The following NOL6 variants were observed in gnomAD, a reference collection of about 807,000 sequenced individuals.
NOL6 encodes the protein nucleolar protein 6, also known as nucleolar RNA-associated protein.
In NOL6, 33 loss-of-function variants were observed where a neutral mutation model predicts 131.7. The observed-to-expected ratio is 0.25, with a 90% confidence interval of 0.19 to 0.33. The LOEUF (loss-of-function observed/expected upper bound fraction) is 0.33, where lower values mean the gene tolerates loss of function less well. Among genes scored for constraint, NOL6 ranks in the 10% least tolerant of loss-of-function variants. NOL6 has a pLI of 1.00. For synonymous variants in NOL6, 580 were observed against 605.7 expected, an observed-to-expected ratio of 0.96 and a Z score of 0.62; for missense variants, 1,297 against 1,494.5, an observed-to-expected ratio of 0.87 and a Z score of 2.18.
Position 33,471,935 on chromosome 9 carries a change from G to T in NOL6, c.378+69C>A, listed in dbSNP as rs553659551. 2.4e-5 allele frequency: 26 copies of T among 1,068,306 alleles called. 2 individuals carry two copies. The highest frequency in any genetic ancestry group is 2.3e-4 in the African/African-American group (15 of 64,622). The allele number at this position is 1,068,306 out of a possible 1,614,324, so 66.2% of individuals were successfully genotyped here. On this transcript the variant is annotated intron_variant, in intron 3 of 25. Coordinates refer to ENST00000297990, the MANE Select transcript of NOL6 (RefSeq NM_022917.5). Reference sequence around the variant, plus strand: ...AACCCTTAAACAGAGTAACAGCAAGGCCCCTGTTTGATATACCCCCACTGG... The same window carrying T: ...AACCCTTAAACAGAGTAACAGCAAGTCCCCTGTTTGATATACCCCCACTGG...
In NOL6 at chr9:33,470,247, C is replaced by G. The variant is rs1305639256; in HGVS notation, c.379-56G>C. ...ATTCAACTGCCTTCCTCACATGTAC[C>G]CTTTATGTCTAGAAGACATTTTAAC... is the stretch of plus-strand genomic sequence containing the variant. On this transcript the variant is annotated intron_variant, in intron 3 of 25. Coordinates refer to ENST00000297990, the MANE Select transcript of NOL6 (RefSeq NM_022917.5). 2.2e-5 allele frequency: 31 copies of G among 1,388,126 alleles called. 2 individuals carry two copies. The South Asian group carries it at 4.1e-4, about 18-fold the overall frequency. 86.0% of individuals were successfully genotyped at this position (1,388,126 alleles called of 1,614,324 possible). A position where few individuals can be genotyped will look rare whatever the true frequency, so the allele number is the denominator to read the frequency against.
At position 33,463,919 on chromosome 9, in the gene NOL6, A is replaced by T. The variant is rs777008328; in HGVS notation, c.2906T>A (p.Ile969Asn). The T allele has an allele frequency of 1.9e-6, 3 of 1,614,108 alleles. No individual in the cohort carries two copies. The highest frequency in any genetic ancestry group is 2.5e-6 in the Non-Finnish European group (3 of 1,179,994). Reference sequence around the variant, plus strand: ...TGCCAGGACCACAAGCTGCTGCAGGATCTGCGGGGTACAGACACATCAGAC... The same window carrying T: ...TGCCAGGACCACAAGCTGCTGCAGGTTCTGCGGGGTACAGACACATCAGAC... ...VWTQDGPSAQILQQLVVLAAE... is the reference protein window; with the variant it reads ...VWTQDGPSAQNLQQLVVLAAE... The change falls in exon 23 of 26, where the codon ATC (isoleucine) becomes AAC (asparagine). Residue 969 changes from isoleucine to asparagine, a missense_variant and splice_region_variant. Transcript: ENST00000297990.
rs200750631 is a variant in NOL6, at chr9:33,465,275, G to A, written c.2613C>T (p.Phe871=). The A allele has an allele frequency of 4.1e-5, 66 of 1,596,904 alleles. 2 individuals are homozygous for A. In the South Asian group the frequency reaches 5.1e-4, roughly 12 times the overall value. Residue 871 remains phenylalanine (F), a synonymous_variant, in exon 20 of 26, where the codon TTC becomes TTT. Coordinates refer to ENST00000297990, the MANE Select transcript of NOL6 (RefSeq NM_022917.5). ...CCACCAGATCCAGGCTCTCATCAGC[G>A]AAACCCTCACCAAGAAGCTGGGCAC... ...WVRAQLLGEG[F]ADESLDLVAA...
Position 33,462,201 on chromosome 9 carries a change from G to A in NOL6, c.*463C>T, listed in dbSNP as rs1022683700. 2.1e-5 allele frequency: 15 copies of A among 717,388 alleles called. No homozygotes were observed. The highest frequency in any genetic ancestry group is 2.3e-4 in the Middle Eastern group (1 of 4,304). 44.4% of individuals were successfully genotyped at this position (717,388 alleles called of 1,614,324 possible). ...TGTGACTCAGAAGGGCCACATTTTC[G>A]CTGGGTCCCATCTAAAGGCCTGACA... is the stretch of plus-strand genomic sequence containing the variant. On this transcript the variant is annotated 3_prime_UTR_variant, in exon 26 of 26. Coordinates refer to ENST00000297990, the MANE Select transcript of NOL6 (RefSeq NM_022917.5).
At chr9:33,462,901 G>T in intron 25 of NOL6, 88 bp from the exon 26 acceptor site, 2 of 1,571,632 alleles carry the variant, frequency 1.3e-6, no homozygotes, top group South Asian at 1.2e-5. Flanking sequence ...GGGTGGTGGG[G>T]ATAGAAACAC....
At position 33,461,993 on chromosome 9, in the gene NOL6, C is replaced by G; in HGVS notation, c.*671G>C. On this transcript the variant is annotated 3_prime_UTR_variant, in exon 26 of 26. Coordinates refer to ENST00000297990, the MANE Select transcript of NOL6 (RefSeq NM_022917.5). Reference sequence around the variant, plus strand: ...CGGGTAGCCCCCAGTGCTTTTTGCACCTCTCCAAGATTGGGTGACTACCAG... The same window carrying G: ...CGGGTAGCCCCCAGTGCTTTTTGCAGCTCTCCAAGATTGGGTGACTACCAG... 6.6e-6 allele frequency: 4 copies of G among 602,694 alleles called. No individual in the cohort carries two copies. The highest frequency in any genetic ancestry group is 1.2e-5 in the Non-Finnish European group (4 of 329,628). The allele number at this position is 602,694 out of a possible 1,614,324, so 37.3% of individuals were successfully genotyped here. A position where few individuals can be genotyped will look rare whatever the true frequency, so the allele number is the denominator to read the frequency against.
intron 8 of NOL6, 71 bp from the exon 9 acceptor site, chr9:33,468,637 A>G: frequency 6.2e-7 from 1 of 1,607,648 alleles, no homozygotes; most frequent in South Asian, 1.1e-5. Context: ...ACCCTCCCTC[A>G]GCCGATTCAG....
In NOL6 at chr9:33,463,429, G is replaced by C; in HGVS notation, c.3007C>G (p.Pro1003Ala). 1 of 1,611,496 alleles carries C rather than the reference G, an allele frequency of 6.2e-7. No individual in the cohort carries two copies. The highest frequency in any genetic ancestry group is 1.1e-5 in the South Asian group (1 of 90,886). Residue 1003 changes from proline (P) to alanine (A), a missense_variant, in exon 24 of 26, where the codon CCG becomes GCG. Physicochemically the swap from Pro to Ala is conservative, Grantham distance 27. Coordinates refer to ENST00000297990, the MANE Select transcript of NOL6 (RefSeq NM_022917.5). The stretch of plus-strand genomic sequence containing the variant: ...AGCACGTCGTAAATGTCCAAGGGCG[G>C]CCGGAACACTGTCTAAGGAAGGGGA... ...GPGDIRTVFRPPLDIYDVLIR... is the reference protein window; with the variant it reads ...GPGDIRTVFRAPLDIYDVLIR...
chr9:33,465,325 C>T lies in NOL6; in HGVS notation c.2563G>A (p.Ala855Thr), dbSNP rs1827210439. 3 of 1,593,018 alleles carry T rather than the reference C, an allele frequency of 1.9e-6. No individual in the cohort carries two copies. Among genetic ancestry groups the T allele is most frequent in the Non-Finnish European group, 2.6e-6 (3 of 1,168,542 alleles). Residue 855 changes from alanine to threonine, a missense_variant, in exon 20 of 26, where the codon GCA becomes ACA. Transcript: ENST00000297990. ...CGCACCCACCGCTTGGCCAGCCGTGCCACACCAGAGAAGGCTGGGTGCTGC... is the reference window on the plus strand; with the variant it reads ...CGCACCCACCGCTTGGCCAGCCGTGTCACACCAGAGAAGGCTGGGTGCTGC... ...QQQHPAFSGV[A>T]RLAKRWVRAQ...
rs1277761735 is a variant in NOL6, at chr9:33,461,810, A to G, written c.*854T>C. The G allele has an allele frequency of 8.2e-6, 2 of 243,762 alleles. No homozygotes were observed. The highest frequency in any genetic ancestry group is 4.7e-5 in the Admixed American group (1 of 21,142). 15.1% of individuals were successfully genotyped at this position (243,762 alleles called of 1,614,324 possible). ...AGAGAGGCTACCAGAAAGTGGGTGT[A>G]GACCAGACTGAAAGGAGGCAGCATT... On this transcript the variant is annotated 3_prime_UTR_variant, in exon 26 of 26. Coordinates refer to ENST00000297990, the MANE Select transcript of NOL6 (RefSeq NM_022917.5).
Position 33,464,859 on chromosome 9 carries a change from A to C in NOL6, c.2779+20T>G, listed in dbSNP as rs1252358491. The C allele has an allele frequency of 6.4e-6, 10 of 1,560,510 alleles. No homozygotes were observed. The highest frequency in any genetic ancestry group is 7.1e-6 in the Non-Finnish European group (8 of 1,132,224). The stretch of plus-strand genomic sequence containing the variant: ...AAAGAGCTGTTCTTCCAGCAGTCTG[A>C]CCCCTGTTCTACCACTTACCAGTGA... On this transcript the variant is annotated intron_variant, in intron 21 of 25. Transcript: ENST00000297990.
In NOL6 at chr9:33,463,148, G is replaced by T. The variant is rs368207235; in HGVS notation, c.3190-14C>A. On this transcript the variant is annotated splice_polypyrimidine_tract_variant and intron_variant, in intron 24 of 25. Transcript: ENST00000297990. The stretch of plus-strand genomic sequence containing the variant: ...CCCAAAGGCCTCCTAGAAAGGGACA[G>T]AACAGAGAAGATTATAGGCAGGCAT... 1 of 1,610,590 alleles carries T rather than the reference G, an allele frequency of 6.2e-7. No homozygotes were observed. The highest frequency in any genetic ancestry group is 8.5e-7 in the Non-Finnish European group (1 of 1,177,926).
In NOL6 at chr9:33,473,825, A is replaced by C. The variant is rs1249701765; in HGVS notation, c.18T>G (p.Ala6=). 3 of 1,611,398 alleles carry C rather than the reference A, an allele frequency of 1.9e-6. No homozygotes were observed. The African/African-American group carries it at 4.0e-5, about 22-fold the overall frequency. The change falls in exon 1 of 26, where the codon GCT becomes GCG. Residue 6 remains alanine (A), a synonymous_variant. Coordinates refer to ENST00000297990, the MANE Select transcript of NOL6 (RefSeq NM_022917.5). Reference sequence around the variant, plus strand: ...CAGTCGCTCCGCGAAGCTGCTCTCCAGCTGGCGCCGGCCCCATCACTCAGG... The same window carrying C: ...CAGTCGCTCCGCGAAGCTGCTCTCCCGCTGGCGCCGGCCCCATCACTCAGG... MGPAP[A]GEQLRGATGE...
rs546088440 is a variant in NOL6 at position 33,462,843 on chromosome 9, G to C, written c.3292-30C>G. On this transcript the variant is annotated intron_variant, in intron 25 of 25. Coordinates refer to ENST00000297990, the MANE Select transcript of NOL6 (RefSeq NM_022917.5). ...GGAAATCAGAGAAGAGATGTGGGTT[G>C]AGTGTCACAGCGGCACACCCAGAGA... 2.4e-5 allele frequency: 39 copies of C among 1,612,840 alleles called. No homozygotes were observed. In the South Asian group the frequency reaches 3.9e-4, roughly 16 times the overall value.
chr9:33,465,079 G>C, intron 20 of NOL6, 103 bp from the exon 21 acceptor site: 1 of 1,442,176 alleles, frequency 6.9e-7, no homozygotes, highest in South Asian at 1.2e-5. Flanking sequence ...TGGCAGGGCA[G>C]GGCATCTTAG....
rs1187272870 is a variant in NOL6, at chr9:33,461,597, T to C, written c.*1067A>G. 6.6e-6 allele frequency: 1 copy of C among 152,472 alleles called. No individual in the cohort carries two copies. The highest frequency in any genetic ancestry group is 1.5e-5 in the Non-Finnish European group (1 of 68,250). 9.4% of individuals were successfully genotyped at this position (152,472 alleles called of 1,614,324 possible). A position where few individuals can be genotyped will look rare whatever the true frequency, so the allele number is the denominator to read the frequency against. ...CCACCACGCCCAGCTGCAATTTAAT[T>C]TTAAATCAGAGTTCAAAACAATAGA... On this transcript the variant is annotated 3_prime_UTR_variant, in exon 26 of 26. Transcript: ENST00000297990.
At position 33,466,641 on chromosome 9, in the gene NOL6, C is replaced by T. The variant is rs760045279; in HGVS notation, c.2019G>A (p.Leu673=). ...VRCYDDLSRL[L]WGLEGLPLTV... is the part of the protein sequence containing the mutation. Reference sequence around the variant, plus strand: ...TCAGTGGGAGACCCTCTAGCCCCCACAGTAGGCGACTGAGGTCGTCGTAGC... The same window carrying T: ...TCAGTGGGAGACCCTCTAGCCCCCATAGTAGGCGACTGAGGTCGTCGTAGC... Residue 673 remains leucine (L), a synonymous_variant, in exon 16 of 26, where the codon CTG becomes CTA. Transcript: ENST00000297990. The T allele has an allele frequency of 3.7e-6, 6 of 1,613,970 alleles. No individual in the cohort carries two copies. The highest frequency in any genetic ancestry group is 1.6e-4 in the Middle Eastern group (1 of 6,084).
intron 9 of NOL6, 37 bp downstream of exon 9, chr9:33,468,471 G>A (rs765711922): frequency 6.2e-7 from 1 of 1,613,840 alleles, no homozygotes; most frequent in Non-Finnish European, 8.5e-7. Context: ...CTTACTTGCA[G>A]GCCTCCTGGC....
chr9:33,469,636 T>C lies in NOL6; in HGVS notation c.590A>G (p.Gln197Arg), dbSNP rs1367166114. 2 of 1,613,054 alleles carry C rather than the reference T, an allele frequency of 1.2e-6. No homozygotes were observed. Among genetic ancestry groups the C allele is most frequent in the Non-Finnish European group, 1.7e-6 (2 of 1,179,668 alleles). The change falls in exon 5 of 26, where the codon CAG becomes CGG. Residue 197 changes from glutamine (Q) to arginine (R), a missense_variant. Gln to Arg is a conservative substitution (Grantham distance 43). Coordinates refer to ENST00000297990, the MANE Select transcript of NOL6 (RefSeq NM_022917.5). Reference sequence around the variant, plus strand: ...GAGGGCACGCTTGCGGAAGTAGCGCTGGTTCAGCCCGTCCTTGTCCTGTAG... The same window carrying C: ...GAGGGCACGCTTGCGGAAGTAGCGCCGGTTCAGCCCGTCCTTGTCCTGTAG... The part of the protein sequence containing the change: ...EILQDKDGLN[Q>R]RYFRKRALYL...
Sources: gnomAD v4.1 joint callset for allele counts on GRCh38, gnomAD v4.1.1 for gene constraint, MANE v1.5 for transcripts, NCBI Gene and HGNC (gene_info 2026-07-23, HGNC 2026-07-21) for gene names.